The following TENM3 variants were observed in gnomAD, a reference collection of about 807,000 sequenced individuals.
TENM3 encodes the protein teneurin-3.
TENM3 carries 63 observed loss-of-function variants against 255.1 expected under a neutral mutation model. That is an observed-to-expected ratio of 0.25 (90% CI 0.20 to 0.30). The LOEUF (loss-of-function observed/expected upper bound fraction) is 0.30. Ranked by LOEUF, TENM3 falls within the 10% of genes least tolerant of loss-of-function variation. TENM3 has a pLI of 1.00. For missense variants in TENM3, 2,929 were observed against 3,461.1 expected (o/e 0.85, Z 3.86); for synonymous variants, 1,306 against 1,322.3 (o/e 0.99, Z 0.27).
At position 182,156,440 on chromosome 4, in the gene TENM3, C is replaced by G. The variant is rs144973062; in HGVS notation, c.-76+11686C>G. Among the ~76,000 whole-genome samples the G allele has an allele frequency of 6.6e-5, 10 of 152,070 alleles. No homozygotes were observed. The East Asian group carries it at 1.2e-3, about 18-fold the overall frequency. The stretch of plus-strand genomic sequence containing the variant: ...TTGCATGATGCTGAGGTTTGGGGTA[C>G]GGATGATCTCGTCACCCGGGCAGTG... On this transcript the variant is annotated intron_variant, in intron 1 of 2. Transcript: ENST00000512480.
the TENM3 span, among the ~76,000 whole-genome samples, chr4:181,827,066 G>A: frequency 1.3e-5 from 2 of 152,094 alleles, no homozygotes; most frequent in African/African-American, 4.8e-5. Flanking sequence ...AGCAGGAGTC[G>A]CAATAATTCC....
chr4:181,800,457 C>A, the TENM3 span, among the ~76,000 whole-genome samples: 1 of 152,094 alleles, frequency 6.6e-6, no homozygotes, highest in Non-Finnish European at 1.5e-5. Flanking sequence ...TATGGTGAAA[C>A]CCTGTCTCTA....
Position 182,621,628 on chromosome 4 carries a change from A to T in TENM3, c.750-7023A>T, listed in dbSNP as rs1476674792. On this transcript the variant is annotated intron_variant, in intron 4 of 27. Transcript: ENST00000511685. ...AAATATATATAAATATATATATAAA[A>T]TATATAATATATAATACATATTATA... 1.6e-4 allele frequency among the ~76,000 whole-genome samples: 6 copies of T among 37,314 alleles called. 1 individual carries two copies. Among genetic ancestry groups the T allele is most frequent in the East Asian group, 1.4e-3 (3 of 2,182 alleles). 24.5% of individuals were successfully genotyped at this position (37,314 alleles called of 152,430 possible).
chr4:182,397,304 G>C (rs1025885297), intron 3 of TENM3, among the ~76,000 whole-genome samples: 3 of 149,404 alleles, frequency 2.0e-5, no homozygotes, highest in African/African-American at 7.4e-5. Context: ...GGGAGGCTGA[G>C]GCAGGAGAAT....
chr4:182,700,430 A>T (rs1358177703), intron 12 of TENM3, among the ~76,000 whole-genome samples: 2 of 152,174 alleles, frequency 1.3e-5, no homozygotes, highest in Admixed American at 1.3e-4. Flanking sequence ...TTTAAAGTGC[A>T]AGTTTGGTTG....
At chr4:181,921,608 T>A in the TENM3 span, among the ~76,000 whole-genome samples, 1 of 152,242 alleles carries the variant, frequency 6.6e-6, no homozygotes, top group South Asian at 2.1e-4. Context: ...TTGCTGAAGT[T>A]GCTTATCAGC....
At chr4:182,360,788 C>T (rs4597873) in intron 3 of TENM3, among the ~76,000 whole-genome samples, 31,422 of 151,746 alleles carry the variant, frequency 0.21, 3,602 homozygotes, top group African/African-American at 0.29. Flanking sequence ...TTATTTTGCT[C>T]GTTAGTTGAT....
At chr4:182,660,006 C>G (rs1754091149) in intron 6 of TENM3, among the ~76,000 whole-genome samples, 1 of 152,162 alleles carries the variant, frequency 6.6e-6, no homozygotes, top group Admixed American at 6.5e-5. Flanking sequence ...GTGGTCTCAT[C>G]AATTAAAAGG....
At chr4:181,892,302 C>G in the TENM3 span, among the ~76,000 whole-genome samples, 1 of 152,146 alleles carries the variant, frequency 6.6e-6, no homozygotes, top group Non-Finnish European at 1.5e-5. Flanking sequence ...CGCAAAGTTT[C>G]TGGTTTACTT....
the TENM3 span, among the ~76,000 whole-genome samples, chr4:181,919,819 G>A: frequency 6.6e-6 from 1 of 150,974 alleles, no homozygotes; most frequent in Non-Finnish European, 1.5e-5. Context: ...TGCCATGCTG[G>A]TGTGCTGCAC....
chr4:181,686,277 C>A, the TENM3 span, among the ~76,000 whole-genome samples: 1 of 152,152 alleles, frequency 6.6e-6, no homozygotes, highest in Non-Finnish European at 1.5e-5. Context: ...TCACTCTACA[C>A]TTTTGAGATG....
chr4:182,446,749 G>A (rs985309062), intron 3 of TENM3, among the ~76,000 whole-genome samples: 1 of 151,886 alleles, frequency 6.6e-6, no homozygotes. Context: ...CATGAGACAT[G>A]CCGCCCAGCC....
chr4:182,777,300 C>G (rs533713666), intron 24 of TENM3, among the ~76,000 whole-genome samples: 19 of 152,252 alleles, frequency 1.2e-4, no homozygotes, highest in Non-Finnish European at 1.9e-4. Flanking sequence ...ATGGTGGACA[C>G]TCAAATATTT....
At chr4:182,615,008 G>C (rs1268571442) in intron 4 of TENM3, among the ~76,000 whole-genome samples, 2 of 139,692 alleles carry the variant, frequency 1.4e-5, no homozygotes, top group African/African-American at 2.6e-5. Context: ...AGAAGAGTTA[G>C]GGAAAAGGCA....
the TENM3 span, among the ~76,000 whole-genome samples, chr4:181,956,489 A>G: frequency 5.9e-5 from 9 of 151,952 alleles, no homozygotes; most frequent in African/African-American, 1.7e-4. Context: ...GTTCACTGCT[A>G]TATTCCAAGT....
At chr4:181,521,659 C>A in the TENM3 span, among the ~76,000 whole-genome samples, 1 of 152,278 alleles carries the variant, frequency 6.6e-6, no homozygotes, top group African/African-American at 2.4e-5. Flanking sequence ...TAGTCTCTAA[C>A]TATAAATACA....
intron 3 of TENM3, among the ~76,000 whole-genome samples, chr4:182,597,093 A>G (rs9985535): frequency 0.48 from 72,727 of 151,998 alleles, 19,264 homozygotes; most frequent in South Asian, 0.64. Flanking sequence ...TGGGTATTCA[A>G]TTGTTCTTTA....
chr4:181,807,447 G>T, the TENM3 span, among the ~76,000 whole-genome samples: 1 of 152,226 alleles, frequency 6.6e-6, no homozygotes, highest in African/African-American at 2.4e-5. Context: ...TCCGCCTCCC[G>T]GGTTCAAGTG....
chr4:182,553,543 A>T (rs935178002), intron 3 of TENM3, among the ~76,000 whole-genome samples: 36 of 127,996 alleles, frequency 2.8e-4, no homozygotes, highest in East Asian at 2.2e-3. Context: ...AATAAAATTT[A>T]AAAAAAAAAA....
Sources: gnomAD v4.1 joint callset for allele counts (sites outside exome capture counted in the v4.1 genomes callset) on GRCh38, gnomAD v4.1.1 for gene constraint, MANE v1.5 for transcripts, NCBI Gene and HGNC (gene_info 2026-07-23, HGNC 2026-07-21) for gene names.